The following CDKN2A variants were observed in gnomAD, a reference collection of about 807,000 sequenced individuals.
CDKN2A encodes the protein cyclin-dependent kinase inhibitor 2A.
Under a neutral mutation model 11.1 loss-of-function variants are expected in CDKN2A, and 3 were observed. The ratio of observed to expected loss-of-function variants is 0.27; its 90% CI spans 0.12 to 0.70. CDKN2A has a LOEUF of 0.70. Among genes scored for constraint, CDKN2A ranks in the 30% least tolerant of loss-of-function variants. The pLI is 0.77. For synonymous variants in CDKN2A, 122 were observed against 108.1 expected (o/e 1.13, Z -0.80); for missense variants, 265 against 233.6 (o/e 1.13, Z -0.88).
rs1006158268 is a variant in CDKN2A, at chr9:21,988,225, T to C, written c.-4+5657A>G. On this transcript the variant is annotated intron_variant, in intron 2 of 3. Transcript: ENST00000494262. This position sits in a 1 kb window ranked among gnomAD's most constrained non-coding sequence, Gnocchi z 4.1. ...CAACCATTTAAATAATTTATGATAT[T>C]TTATTTTGAAGGTGAAAGAGAAAAC... Among the ~76,000 whole-genome samples the C allele has an allele frequency of 1.3e-5, 2 of 152,202 alleles. No individual in the cohort carries two copies. The highest frequency in any genetic ancestry group is 6.5e-5 in the Admixed American group (1 of 15,286).
At chr9:21,994,382 G>A (rs1469289706) in intron 1 of CDKN2A, 10 of 1,607,856 alleles carry the variant, frequency 6.2e-6, no homozygotes, top group African/African-American at 1.3e-5. Flanking sequence ...CCGCCCTTTG[G>A]CACCAGAGGT....
Position 21,988,593 on chromosome 9 carries a change from C to A in CDKN2A, c.-4+5289G>T, listed in dbSNP as rs1820355647. ...ATATGAGAACAATAGACATTGGGGACTACTAGATGGAGGAGAAAGGGAATG... is the reference window on the plus strand; with the variant it reads ...ATATGAGAACAATAGACATTGGGGAATACTAGATGGAGGAGAAAGGGAATG... On this transcript the variant is annotated intron_variant, in intron 2 of 3. Coordinates refer to the CDKN2A transcript ENST00000494262. This position sits in a 1 kb window ranked among gnomAD's most constrained non-coding sequence, Gnocchi z 4.1. Among the ~76,000 whole-genome samples the A allele has an allele frequency of 6.6e-6, 1 of 151,916 alleles. No homozygotes were observed. Among genetic ancestry groups the A allele is most frequent in the African/African-American group, 2.4e-5 (1 of 41,316 alleles).
At chr9:21,975,029 G>A, upstream of CDKN2A, 1 of 1,379,150 alleles carries the variant, frequency 7.3e-7, no homozygotes, top group African/African-American at 1.5e-5. Context: ...GTGAGCGAGT[G>A]CTCGGAGGAG....
chr9:21,992,049 G>GT (rs1476218729), intron 2 of CDKN2A: 1 of 978,020 alleles, frequency 1.0e-6, no homozygotes, highest in African/African-American at 1.8e-5. Context: ...GGTTTCTGTG[G>GT]TTAAGAAACT....
At chr9:21,987,841 A>G (rs1790311773) in intron 2 of CDKN2A, among the ~76,000 whole-genome samples, 1 of 152,142 alleles carries the variant, frequency 6.6e-6, no homozygotes, top group Middle Eastern at 3.2e-3. Context: ...AATTGGTCAT[A>G]TTTGTCAAAT....
rs780022223 is a variant in CDKN2A at position 21,974,562 on chromosome 9, G to C, written c.150+116C>G. 2 of 1,613,556 alleles carry C rather than the reference G, an allele frequency of 1.2e-6. No homozygotes were observed. The highest frequency in any genetic ancestry group is 3.3e-5 in the Admixed American group (2 of 60,018). The stretch of plus-strand genomic sequence containing the variant: ...ACAAACCCCTTCTGAAAACTCCCCA[G>C]GAAGCCTCCCCTTTTTCCGGAGAAT... On this transcript the variant is annotated intron_variant, in intron 1 of 2. Coordinates refer to ENST00000304494, the MANE Select transcript of CDKN2A (RefSeq NM_000077.5). This position sits in a 1 kb window ranked among gnomAD's most constrained non-coding sequence, Gnocchi z 5.2.
intron 2 of CDKN2A, among the ~76,000 whole-genome samples, chr9:21,992,839 A>T (rs975121095): frequency 7.0e-6 from 1 of 143,592 alleles, no homozygotes; most frequent in African/African-American, 3.0e-5. Flanking sequence ...AACCACTGTT[A>T]AAAAAAACAA....
At chr9:21,994,077 G>T in intron 1 of CDKN2A, 1 of 1,542,582 alleles carries the variant, frequency 6.5e-7, no homozygotes, top group Non-Finnish European at 8.8e-7. Flanking sequence ...ATCTGTTTAC[G>T]AAATCACACC....
In CDKN2A at chr9:21,968,234, C is replaced by A. The variant is rs755445934; in HGVS notation, c.466G>T (p.Asp156Tyr). 2 of 1,613,840 alleles carry A rather than the reference C, an allele frequency of 1.2e-6. No homozygotes were observed. Among genetic ancestry groups the A allele is most frequent in the Non-Finnish European group, 1.7e-6 (2 of 1,179,912 alleles). ...TCAGAGCCTCTCTGGTTCTTTCAAT[C>A]GGGGATGTCTGCAGAGGGCAGAAAG... ...DAAEGPSDIP[D>Y] The change falls in exon 3 of 3, where the codon GAT (aspartate) becomes TAT (tyrosine). Residue 156 changes from aspartate to tyrosine, a missense_variant. Physicochemically the swap from Asp to Tyr is radical, Grantham distance 160. Coordinates refer to ENST00000304494, the MANE Select transcript of CDKN2A (RefSeq NM_000077.5). This position sits in a 1 kb window ranked among gnomAD's most constrained non-coding sequence, Gnocchi z 4.7.
chr9:21,994,508 T>TCACCCC (rs1402624602), intron 1 of CDKN2A: 14 of 1,223,796 alleles, frequency 1.1e-5, no homozygotes, highest in South Asian at 7.7e-5. Context: ...CCCCCCACCT[T>TCACCCC]CACCCCCACC....
rs1819511972 is a variant in CDKN2A at position 21,968,337 on chromosome 9, GAAAT to G, written c.458-99_458-96del. 2.0e-6 allele frequency: 3 copies of G among 1,535,388 alleles called. No individual in the cohort carries two copies. The Admixed American group carries it at 5.2e-5, about 27-fold the overall frequency. ...CTCTCTTGCCGTCCCTACCGGCATT[GAAAT>G]ACTTATGGATAAAGTTCTCGCAATG... On this transcript the variant is annotated intron_variant, in intron 2 of 2. Coordinates refer to ENST00000304494, the MANE Select transcript of CDKN2A (RefSeq NM_000077.5). This position sits in a 1 kb window ranked among gnomAD's most constrained non-coding sequence, Gnocchi z 4.7.
At chr9:21,976,588 T>C (rs761558707), upstream of CDKN2A, among the ~76,000 whole-genome samples, 2 of 150,814 alleles carry the variant, frequency 1.3e-5, no homozygotes, top group South Asian at 2.1e-4. Flanking sequence ...TGGTGGCGCA[T>C]GCCTGTAATC....
At chr9:21,974,884 G>T, upstream of CDKN2A, 1 of 1,467,336 alleles carries the variant, frequency 6.8e-7, no homozygotes, top group Non-Finnish European at 8.9e-7. This position sits in a 1 kb window ranked among gnomAD's most constrained non-coding sequence, Gnocchi z 5.2. Flanking sequence ...CCGAGCGCAC[G>T]CGGTCCGCCC....
At chr9:21,982,628 G>C (rs888309291) in intron 2 of CDKN2A, among the ~76,000 whole-genome samples, 1 of 151,972 alleles carries the variant, frequency 6.6e-6, no homozygotes, top group Non-Finnish European at 1.5e-5. Flanking sequence ...ATTATGTACA[G>C]CACAGATATT....
upstream of CDKN2A, chr9:21,975,232 T>A: frequency 1.0e-6 from 1 of 979,250 alleles, no homozygotes; most frequent in Non-Finnish European, 1.2e-6. Flanking sequence ...CTCCCCCGCC[T>A]GCCAGCAAAG....
Position 21,974,701 on chromosome 9 carries a change from T to C in CDKN2A, c.127A>G (p.Ser43Gly), listed in dbSNP as rs766854048. ...EAGALPNAPN[S>G]YGRRPIQVMM... is the part of the protein sequence containing the mutation. ...ACCTGGATCGGCCTCCGACCGTAAC[T>C]ATTCGGTGCGTTGGGCAGCGCCCCC... is the stretch of plus-strand genomic sequence containing the variant. Residue 43 changes from serine (S) to glycine (G), a missense_variant, in exon 1 of 3, where the codon AGT becomes GGT. Transcript: ENST00000304494. The surrounding 1 kb of genome is among the most constrained non-coding windows in gnomAD (Gnocchi z 5.2). The C allele has an allele frequency of 2.5e-6, 4 of 1,613,474 alleles. No homozygotes were observed. Among genetic ancestry groups the C allele is most frequent in the Admixed American group, 1.7e-5 (1 of 60,010 alleles).
At chr9:21,983,199 G>T in intron 2 of CDKN2A, among the ~76,000 whole-genome samples, 1 of 151,980 alleles carries the variant, frequency 6.6e-6, no homozygotes, top group South Asian at 2.1e-4. Flanking sequence ...ACTTAATTCA[G>T]TCCCCTCATT....
At chr9:21,993,154 C>G (rs1251816125) in intron 2 of CDKN2A, among the ~76,000 whole-genome samples, 1 of 152,262 alleles carries the variant, frequency 6.6e-6, no homozygotes, top group South Asian at 2.1e-4. Context: ...ATATTCCTGG[C>G]GAAGCATACC....
upstream of CDKN2A, among the ~76,000 whole-genome samples, chr9:21,976,372 C>A (rs1301751548): frequency 2.9e-5 from 2 of 69,580 alleles, no homozygotes; most frequent in African/African-American, 5.4e-5. Context: ...GAATGAGACT[C>A]CGACTCAAAA....
Sources: allele counts gnomAD v4.1 joint callset (sites outside exome capture counted in the v4.1 genomes callset), GRCh38; gene constraint gnomAD v4.1.1; non-coding constraint Gnocchi (gnomAD v3.1); transcripts MANE v1.5; gene names NCBI Gene and HGNC (gene_info 2026-07-23, HGNC 2026-07-21).